Variants in RC3H1 observed in about 807,000 individuals in gnomAD.
The protein encoded by RC3H1 is roquin-1.
A neutral mutation model predicts 138.2 loss-of-function variants in RC3H1; 50 were observed. The ratio of observed to expected loss-of-function variants is 0.36; its 90% CI spans 0.29 to 0.46. The LOEUF (loss-of-function observed/expected upper bound fraction) is 0.46. Among genes scored for constraint, RC3H1 ranks in the 20% least tolerant of loss-of-function variants. The probability of loss-of-function intolerance (pLI) is 1.00; values close to 1 mark genes in which losing one functional copy is unlikely to be tolerated. For synonymous variants in RC3H1, 462 were observed against 489.1 expected (o/e 0.94, Z 0.73); for missense variants, 1,031 against 1,388.1 (o/e 0.74, Z 4.09).
chr1:173,942,823 C>G (rs1288904625), intron 18 of RC3H1, among the ~76,000 whole-genome samples: 4 of 149,798 alleles, frequency 2.7e-5, no homozygotes, highest in Non-Finnish European at 4.4e-5. Flanking sequence ...GAGACTCCGC[C>G]TCAAAAAAAA....
At chr1:173,978,418 A>G in intron 7 of RC3H1, 70 bp downstream of exon 7, 1 of 1,520,506 alleles carries the variant, frequency 6.6e-7, no homozygotes, top group Non-Finnish European at 8.9e-7. Context: ...ACAACAAAAG[A>G]TAATTAAAGA....
chr1:174,005,630 T>G (rs940351490), intron 1 of RC3H1, among the ~76,000 whole-genome samples: 4 of 152,138 alleles, frequency 2.6e-5, no homozygotes, highest in Admixed American at 1.3e-4. Flanking sequence ...ATTTGGCTCC[T>G]CAATCCTGCA....
intron 1 of RC3H1, among the ~76,000 whole-genome samples, chr1:174,003,323 G>A (rs1212397672): frequency 1.3e-5 from 2 of 151,646 alleles, no homozygotes; most frequent in African/African-American, 4.8e-5. Flanking sequence ...GGAGGTGGAA[G>A]TTGCAGTGAG....
At chr1:173,980,160 C>T (rs1179355548) in intron 6 of RC3H1, among the ~76,000 whole-genome samples, 1 of 149,940 alleles carries the variant, frequency 6.7e-6, no homozygotes, top group Non-Finnish European at 1.5e-5. Context: ...TTACAGGCAT[C>T]AGCCACTGTG....
Position 173,972,645 on chromosome 1 carries a change from A to C in RC3H1, c.1103-18T>G. The stretch of plus-strand genomic sequence containing the variant: ...AGGAGCATCTATACAACCAATGATA[A>C]TGTTTTAAACTCTAATGTTACTCAA... On this transcript the variant is annotated intron_variant, in intron 7 of 19. Coordinates refer to ENST00000367696, the MANE Select transcript of RC3H1 (RefSeq NM_172071.4). 1.3e-6 allele frequency: 2 copies of C among 1,531,288 alleles called. No individual in the cohort carries two copies. Among genetic ancestry groups the C allele is most frequent in the Non-Finnish European group, 1.8e-6 (2 of 1,104,602 alleles). 94.9% of individuals were successfully genotyped at this position (1,531,288 alleles called of 1,614,324 possible).
intron 13 of RC3H1, among the ~76,000 whole-genome samples, chr1:173,956,737 T>C (rs1352898665): frequency 6.6e-6 from 1 of 151,330 alleles, no homozygotes; most frequent in Non-Finnish European, 1.5e-5. Context: ...AATTATAATG[T>C]GTCTACTAAA....
At chr1:173,995,543 A>G (rs1025112428) in intron 1 of RC3H1, among the ~76,000 whole-genome samples, 4 of 151,960 alleles carry the variant, frequency 2.6e-5, no homozygotes, top group African/African-American at 7.2e-5. Flanking sequence ...CAAAAAAAAA[A>G]AAAAAGAAAA....
At chr1:173,977,681 C>A (rs1660644962) in intron 7 of RC3H1, among the ~76,000 whole-genome samples, 1 of 152,034 alleles carries the variant, frequency 6.6e-6, no homozygotes, top group African/African-American at 2.4e-5. Context: ...AATGAATAAC[C>A]ACCATCAGAG....
intron 13 of RC3H1, among the ~76,000 whole-genome samples, chr1:173,958,886 G>T (rs1283557201): frequency 6.7e-6 from 1 of 150,176 alleles, no homozygotes; most frequent in African/African-American, 2.5e-5. Context: ...TTTTCTGGCT[G>T]GTTTCCTCAT....
chr1:174,001,415 A>G (rs1377268873), intron 1 of RC3H1, among the ~76,000 whole-genome samples: 1 of 152,220 alleles, frequency 6.6e-6, no homozygotes, highest in Non-Finnish European at 1.5e-5. Context: ...AGGTGGCAGA[A>G]TGATGTGACC....
At chr1:173,947,618 T>G in intron 14 of RC3H1, 36 bp from the exon 15 acceptor site, 1 of 1,528,950 alleles carries the variant, frequency 6.5e-7, no homozygotes, top group Non-Finnish European at 9.1e-7. Flanking sequence ...TACCCCACAC[T>G]CAGATCGCTC....
At chr1:173,976,133 G>A (rs1454503474) in intron 7 of RC3H1, among the ~76,000 whole-genome samples, 1 of 151,640 alleles carries the variant, frequency 6.6e-6, no homozygotes, top group African/African-American at 2.4e-5. Flanking sequence ...AGCATTTCAA[G>A]GAAGAGAGAG....
At chr1:173,981,946 C>T (rs372958654) in intron 5 of RC3H1, among the ~76,000 whole-genome samples, 19 of 151,654 alleles carry the variant, frequency 1.3e-4, no homozygotes, top group African/African-American at 4.6e-4. Context: ...ATAAATGATA[C>T]ATAGTGAGTA....
chr1:173,932,741 T>G lies in RC3H1; in HGVS notation c.*5980A>C, dbSNP rs1442607520. On this transcript the variant is annotated 3_prime_UTR_variant, in exon 20 of 20. Coordinates refer to ENST00000367696, the MANE Select transcript of RC3H1 (RefSeq NM_172071.4). ...ATTTTATGGGGTAGTTCAGATATTA[T>G]AAGAATGACAGCCAATCAATGGAGA... 1 of 151,990 alleles carries G rather than the reference T, an allele frequency of 6.6e-6. No homozygotes were observed. The highest frequency in any genetic ancestry group is 6.6e-5 in the Admixed American group (1 of 15,246). The allele number at this position is 151,990 out of a possible 1,614,324, so 9.4% of individuals were successfully genotyped here. A position where few individuals can be genotyped will look rare whatever the true frequency, so the allele number is the denominator to read the frequency against.
chr1:173,943,622 C>A lies in RC3H1; in HGVS notation c.2962-7G>T, dbSNP rs372492715. ...CCAGCCTGTTACTAACAGCCTAGTG[C>A]ATAAAGCCAAGCACACAGAAAACTC... On this transcript the variant is annotated splice_polypyrimidine_tract_variant and splice_region_variant and intron_variant, in intron 17 of 19. Transcript: ENST00000367696. The A allele has an allele frequency of 1.9e-6, 3 of 1,607,714 alleles. No homozygotes were observed. The highest frequency in any genetic ancestry group is 2.7e-5 in the African/African-American group (2 of 74,800).
At chr1:174,007,085 C>T (rs1033323907) in intron 1 of RC3H1, among the ~76,000 whole-genome samples, 1 of 151,924 alleles carries the variant, frequency 6.6e-6, no homozygotes, top group East Asian at 2.0e-4. Context: ...TTAGTTTTGC[C>T]CGGTTTAAAA....
chr1:173,996,233 G>C (rs553648621), intron 1 of RC3H1, among the ~76,000 whole-genome samples: 184 of 151,984 alleles, frequency 1.2e-3, no homozygotes, highest in African/African-American at 4.2e-3. Flanking sequence ...TAGATAAACA[G>C]AGACATACCA....
intron 7 of RC3H1, among the ~76,000 whole-genome samples, chr1:173,977,916 T>G (rs1660653776): frequency 6.6e-6 from 1 of 152,158 alleles, no homozygotes; most frequent in Admixed American, 6.5e-5. Flanking sequence ...AGACTGGGAA[T>G]CTACTAGTGA....
intron 13 of RC3H1, among the ~76,000 whole-genome samples, chr1:173,958,568 G>C (rs1659739716): frequency 6.6e-6 from 1 of 151,620 alleles, no homozygotes; most frequent in Admixed American, 6.6e-5. Context: ...AAAAAAAGTT[G>C]GCTTTTTGAA....
Sources: allele counts gnomAD v4.1 joint callset (sites outside exome capture counted in the v4.1 genomes callset), GRCh38; gene constraint gnomAD v4.1.1; transcripts MANE v1.5; gene names NCBI Gene and HGNC (gene_info 2026-07-23, HGNC 2026-07-21).